The following VPS13B variants were observed in gnomAD, a reference collection of about 807,000 sequenced individuals.
VPS13B encodes the protein vacuolar protein sorting 13 homolog B.
Under a neutral mutation model 426.4 loss-of-function variants are expected in VPS13B, and 285 were observed. The observed-to-expected ratio is 0.67, with a 90% CI of 0.61 to 0.74. The LOEUF (loss-of-function observed/expected upper bound fraction) is 0.74. Among genes scored for constraint, VPS13B ranks in the 30% least tolerant of loss-of-function variants. The probability of loss-of-function intolerance (pLI) is 0.00; values close to 1 mark genes in which losing one functional copy is unlikely to be tolerated. For missense variants in VPS13B, 4,537 were observed against 4,782.6 expected (o/e 0.95, Z 1.51); for synonymous variants, 1,676 against 1,676.4 (o/e 1.00, Z 0.01).
At chr8:99,031,627 G>A (rs1407938445) in intron 2 of VPS13B, among the ~76,000 whole-genome samples, 1 of 152,202 alleles carries the variant, frequency 6.6e-6, no homozygotes, top group Non-Finnish European at 1.5e-5. Context: ...ATTGGGTGCA[G>A]TAGTGTAATT....
At chr8:99,283,762 A>G (rs867504150) in intron 19 of VPS13B, among the ~76,000 whole-genome samples, 2 of 152,362 alleles carry the variant, frequency 1.3e-5, no homozygotes, top group South Asian at 2.1e-4. Flanking sequence ...GATGTTACGC[A>G]TAAAAGTAAG....
chr8:99,579,943 C>G (rs1825970415), intron 33 of VPS13B, among the ~76,000 whole-genome samples: 1 of 152,088 alleles, frequency 6.6e-6, no homozygotes, highest in African/African-American at 2.4e-5. Context: ...GGTGATCTGG[C>G]CCCCTCAGCC....
At chr8:99,700,083 T>C (rs2130183385) in intron 36 of VPS13B, 151 bp downstream of exon 36, 1 of 972,040 alleles carries the variant, frequency 1.0e-6, no homozygotes, top group Non-Finnish European at 1.5e-6. Flanking sequence ...TGTGACCTTA[T>C]TTTTAGAGAT....
At chr8:99,360,280 T>C (rs1194901881) in intron 19 of VPS13B, among the ~76,000 whole-genome samples, 1 of 144,952 alleles carries the variant, frequency 6.9e-6, no homozygotes, top group African/African-American at 2.6e-5. Flanking sequence ...CCTTCCTTCC[T>C]TCTTTCTTTT....
chr8:99,309,495 T>C (rs1820831834), intron 19 of VPS13B, among the ~76,000 whole-genome samples: 1 of 152,156 alleles, frequency 6.6e-6, no homozygotes. Context: ...TGGTTGTAGA[T>C]GTGTGGTATT....
intron 31 of VPS13B, among the ~76,000 whole-genome samples, chr8:99,568,905 G>A (rs1825328325): frequency 1.3e-5 from 2 of 150,684 alleles, no homozygotes; most frequent in Non-Finnish European, 3.0e-5. Context: ...TCTGTCTCCC[G>A]GGTTCACGCC....
chr8:99,196,586 C>T (rs144986979), intron 17 of VPS13B, among the ~76,000 whole-genome samples: 12 of 150,844 alleles, frequency 8.0e-5, no homozygotes, highest in Non-Finnish European at 3.0e-5. Context: ...ATTATAGGCA[C>T]GTCACCACAC....
chr8:99,716,662 T>G (rs1222236618), intron 36 of VPS13B, among the ~76,000 whole-genome samples: 1 of 152,206 alleles, frequency 6.6e-6, no homozygotes, highest in Non-Finnish European at 1.5e-5. Flanking sequence ...GTGGTTATGA[T>G]GTGTGAAGTT....
intron 35 of VPS13B, 54 bp from the exon 36 acceptor site, chr8:99,699,471 C>T (rs1832180120): frequency 1.3e-6 from 2 of 1,587,146 alleles, no homozygotes; most frequent in Non-Finnish European, 1.7e-6. Context: ...GAAGTAAAGG[C>T]TTGTATTCAG....
At chr8:99,568,970 C>G (rs1825332629) in intron 31 of VPS13B, among the ~76,000 whole-genome samples, 1 of 151,892 alleles carries the variant, frequency 6.6e-6, no homozygotes, top group Non-Finnish European at 1.5e-5. Flanking sequence ...CGCCACCACG[C>G]CCGGCTAATT....
intron 17 of VPS13B, among the ~76,000 whole-genome samples, chr8:99,219,110 T>C (rs1815542421): frequency 6.6e-6 from 1 of 152,176 alleles, no homozygotes; most frequent in Non-Finnish European, 1.5e-5. Flanking sequence ...CCTCTAAGCT[T>C]TAGTCTTTAA....
intron 21 of VPS13B, among the ~76,000 whole-genome samples, chr8:99,400,960 T>C (rs1391833609): frequency 1.3e-5 from 2 of 152,194 alleles, no homozygotes; most frequent in Admixed American, 1.3e-4. Context: ...GCGTTAGCCA[T>C]TGTACCCAGC....
chr8:99,718,392 A>G (rs1464402116), intron 37 of VPS13B, among the ~76,000 whole-genome samples: 1 of 152,196 alleles, frequency 6.6e-6, no homozygotes, highest in East Asian at 1.9e-4. Context: ...TAAATATTTT[A>G]CATGTGATGA....
chr8:99,088,875 A>G (rs1315585554), intron 3 of VPS13B, among the ~76,000 whole-genome samples: 1 of 152,186 alleles, frequency 6.6e-6, no homozygotes, highest in Admixed American at 6.5e-5. Flanking sequence ...TCAGTAAGGC[A>G]TGTTACCTTG....
Position 99,135,102 on chromosome 8 carries a change from A to G in VPS13B, c.1390A>G (p.Lys464Glu). ...AMCLKGIMGV[K>E]DFEENMNRSE... ...GTGCCTTAAAGGAATTATGGGTGTT[A>G]AAGATTTTGAAGAGAATATGAATAG... The change falls in exon 10 of 62, where the codon AAA becomes GAA. Residue 464 changes from lysine (K) to glutamate (E), a missense_variant. Around this residue, in one of 2 missense-constraint regions of VPS13B, gnomAD observed 4,311 missense variants for 4,474.3 expected, o/e 0.96. Coordinates refer to ENST00000357162, the MANE Select transcript of VPS13B (RefSeq NM_152564.5). 2 of 1,613,508 alleles carry G rather than the reference A, an allele frequency of 1.2e-6. No homozygotes were observed. Among genetic ancestry groups the G allele is most frequent in the Non-Finnish European group, 1.7e-6 (2 of 1,179,594 alleles).
intron 21 of VPS13B, among the ~76,000 whole-genome samples, chr8:99,427,823 T>A (rs564615619): frequency 6.6e-6 from 1 of 151,938 alleles, no homozygotes; most frequent in African/African-American, 2.4e-5. Flanking sequence ...GAGCCCGCAT[T>A]GCCAAGTCAA....
rs184983882 is a variant in VPS13B, at chr8:99,686,148, A to C, written c.6047-13377A>C. 2.4e-4 allele frequency among the ~76,000 whole-genome samples: 37 copies of C among 152,316 alleles called. No homozygotes were observed. In the East Asian group the frequency reaches 6.8e-3, roughly 28 times the overall value. Reference sequence around the variant, plus strand: ...ACCTTGATGGTCTTGGATAAGATCCAGAAGAATTCTTTGGATTACCAGGCA... The same window carrying C: ...ACCTTGATGGTCTTGGATAAGATCCCGAAGAATTCTTTGGATTACCAGGCA... On this transcript the variant is annotated intron_variant, in intron 35 of 61. Transcript: ENST00000357162.
At chr8:99,743,069 A>C (rs1294997451) in intron 39 of VPS13B, among the ~76,000 whole-genome samples, 2 of 152,228 alleles carry the variant, frequency 1.3e-5, no homozygotes, top group Admixed American at 1.3e-4. Context: ...TTGTATATCT[A>C]GAAAACCCCA....
chr8:99,872,908 G>T (rs1451038322), intron 61 of VPS13B, among the ~76,000 whole-genome samples: 1 of 152,180 alleles, frequency 6.6e-6, no homozygotes, highest in Non-Finnish European at 1.5e-5. Flanking sequence ...TAGTTTCTTG[G>T]ATCATGATCA....
Sources: gnomAD v4.1 joint callset for allele counts (sites outside exome capture counted in the v4.1 genomes callset) on GRCh38, gnomAD v4.1.1 for gene constraint, gnomAD v4.1.1 regional missense constraint, MANE v1.5 for transcripts, NCBI Gene and HGNC (gene_info 2026-07-23, HGNC 2026-07-21) for gene names.